Variants in FAM193A observed in about 807,000 individuals in gnomAD.
The protein encoded by FAM193A is family with sequence similarity 193 member A.
Under a neutral mutation model 126.5 loss-of-function variants are expected in FAM193A, and 22 were observed. The observed-to-expected ratio is 0.17, with a 90% confidence interval of 0.12 to 0.25. The LOEUF (loss-of-function observed/expected upper bound fraction) is 0.25. FAM193A is among the 10% of genes least tolerant of loss of function. The pLI, the probability that FAM193A is intolerant of heterozygous loss-of-function variation, is 1.00. For synonymous variants in FAM193A, 761 were observed against 646.8 expected (o/e 1.18, Z -2.68); for missense variants, 1,675 against 1,672.8 (o/e 1.00, Z -0.02).
At chr4:2,651,446 A>G (rs933016159) in intron 7 of FAM193A, among the ~76,000 whole-genome samples, 1 of 152,246 alleles carries the variant, frequency 6.6e-6, no homozygotes, top group Non-Finnish European at 1.5e-5. Context: ...ACTTATAATC[A>G]TGGCGGAAGG....
chr4:2,689,477 A>T, intron 13 of FAM193A, 29 bp from the exon 14 acceptor site: 1 of 1,502,426 alleles, frequency 6.7e-7, no homozygotes, highest in Non-Finnish European at 9.0e-7. Context: ...ATTAATTTTG[A>T]TATGTGATTA....
chr4:2,699,648 A>G, intron 18 of FAM193A, 32 bp from the exon 19 acceptor site: 2 of 1,564,560 alleles, frequency 1.3e-6, no homozygotes, highest in Admixed American at 2.1e-5. Flanking sequence ...CACTCACTGT[A>G]GTCTTAAATT....
intron 2 of FAM193A, among the ~76,000 whole-genome samples, chr4:2,602,282 T>C (rs745675558): frequency 2.0e-5 from 3 of 152,050 alleles, no homozygotes; most frequent in Non-Finnish European, 4.4e-5. Context: ...TCTCTCTCTT[T>C]ATCCTCTTTG....
intron 1 of FAM193A, among the ~76,000 whole-genome samples, chr4:2,574,317 A>T (rs1222169898): frequency 6.6e-6 from 1 of 152,118 alleles, no homozygotes; most frequent in Admixed American, 6.5e-5. Context: ...GGCCTGTCTC[A>T]CACCAAGGCT....
chr4:2,707,896 C>T (rs933573185), intron 19 of FAM193A, among the ~76,000 whole-genome samples: 1 of 151,692 alleles, frequency 6.6e-6, no homozygotes, highest in Non-Finnish European at 1.5e-5. Flanking sequence ...TTACAGGTGC[C>T]GCACCAGCAC....
At chr4:2,622,131 C>T (rs1742581861) in intron 2 of FAM193A, among the ~76,000 whole-genome samples, 1 of 151,940 alleles carries the variant, frequency 6.6e-6, no homozygotes, top group South Asian at 2.1e-4. Context: ...GTGGCGCATG[C>T]CTTTGGTCCC....
Position 2,695,108 on chromosome 4 carries a change from C to T in FAM193A, c.3255C>T (p.Cys1085=), listed in dbSNP as rs1357434721. 6 of 1,600,990 alleles carry T rather than the reference C, an allele frequency of 3.7e-6. No homozygotes were observed. The highest frequency in any genetic ancestry group is 1.7e-5 in the Admixed American group (1 of 57,984). Residue 1085 remains cysteine, a synonymous_variant, in exon 17 of 21, where the codon TGC becomes TGT. Coordinates refer to ENST00000637812, the MANE Select transcript of FAM193A (RefSeq NM_001366318.2). ...GCAAGTACTGCGACTGCTGCTACTG[C>T]GAATTCTTTGGGCACGGCGGGGTGA... is the stretch of plus-strand genomic sequence containing the variant. ...KEGKYCDCCY[C]EFFGHGGPPA...
intron 12 of FAM193A, among the ~76,000 whole-genome samples, chr4:2,671,686 C>A (rs1010328238): frequency 4.6e-5 from 7 of 152,246 alleles, no homozygotes; most frequent in African/African-American, 1.7e-4. Flanking sequence ...CCACTGACCT[C>A]TTCACTCCAC....
At chr4:2,642,056 C>T (rs916906908) in intron 6 of FAM193A, among the ~76,000 whole-genome samples, 7 of 147,052 alleles carry the variant, frequency 4.8e-5, no homozygotes, top group Admixed American at 1.4e-4. Context: ...TTTGGGAGGT[C>T]GAGGCGGGCA....
chr4:2,717,063 C>G lies in FAM193A; in HGVS notation c.4454+959C>G, dbSNP rs548926306. Among the ~76,000 whole-genome samples the G allele has an allele frequency of 3.2e-4, 48 of 151,554 alleles. No homozygotes were observed. In the Middle Eastern group the frequency reaches 0.024, roughly 77 times the overall value. ...GTTGTGATCTGGGCTCACTGCAATC[C>G]CCACCTCCTACGTTCAAGCGATTCT... is the stretch of plus-strand genomic sequence containing the variant. On this transcript the variant is annotated intron_variant, in intron 20 of 20. Coordinates refer to ENST00000637812, the MANE Select transcript of FAM193A (RefSeq NM_001366318.2).
At chr4:2,619,011 C>T (rs61790227) in intron 2 of FAM193A, among the ~76,000 whole-genome samples, 2,653 of 152,258 alleles carry the variant, frequency 0.017, 42 homozygotes, top group Non-Finnish European at 0.024. Flanking sequence ...GGATTATAGG[C>T]GTGAGCCATC....
chr4:2,660,190 C>G, intron 10 of FAM193A, 136 bp downstream of exon 10: 3 of 893,738 alleles, frequency 3.4e-6, no homozygotes, highest in Non-Finnish European at 1.7e-6. Context: ...GTTTTTAATG[C>G]AGCTTTTAAA....
intron 13 of FAM193A, among the ~76,000 whole-genome samples, chr4:2,679,250 G>C (rs1714804489): frequency 6.6e-6 from 1 of 152,028 alleles, no homozygotes; most frequent in Non-Finnish European, 1.5e-5. Context: ...TTGCATTCTG[G>C]GAATGAGTCC....
intron 7 of FAM193A, among the ~76,000 whole-genome samples, chr4:2,649,704 T>C (rs1438111007): frequency 6.6e-6 from 1 of 152,092 alleles, no homozygotes; most frequent in Non-Finnish European, 1.5e-5. Context: ...ATAGGGACAG[T>C]AAATAGTCCC....
At chr4:2,626,616 C>G (rs976448957) in intron 4 of FAM193A, 39 bp downstream of exon 4, 2 of 670,354 alleles carry the variant, frequency 3.0e-6, no homozygotes, top group African/African-American at 3.5e-5. Flanking sequence ...CCATGCAAAC[C>G]CCTGCCCTCC....
At chr4:2,646,158 CCTTTTTTTTT>C (rs1351733340) in intron 6 of FAM193A, among the ~76,000 whole-genome samples, 1 of 126,190 alleles carries the variant, frequency 7.9e-6, no homozygotes, top group African/African-American at 3.0e-5. Context: ...TTGAGCATCT[CCTTTTTTTTT>C]TTTTTTTTTT....
chr4:2,700,679 G>A (rs1717621216), intron 19 of FAM193A, 135 bp downstream of exon 19: 3 of 1,085,062 alleles, frequency 2.8e-6, no homozygotes, highest in African/African-American at 3.2e-5. Flanking sequence ...AGCGTAGAGG[G>A]GCCAGGCATG....
chr4:2,547,761 G>C (rs1737657599), intron 1 of FAM193A, among the ~76,000 whole-genome samples: 1 of 151,678 alleles, frequency 6.6e-6, no homozygotes, highest in African/African-American at 2.4e-5. Flanking sequence ...CAGTAGCTAG[G>C]ATTACAGATG....
chr4:2,550,156 C>G (rs1737822945), intron 1 of FAM193A, among the ~76,000 whole-genome samples: 1 of 151,580 alleles, frequency 6.6e-6, no homozygotes, highest in Non-Finnish European at 1.5e-5. Context: ...TGTGCCTCAG[C>G]CTCACAGGTT....
Sources: gnomAD v4.1 joint callset for allele counts (sites outside exome capture counted in the v4.1 genomes callset) on GRCh38, gnomAD v4.1.1 for gene constraint, MANE v1.5 for transcripts, NCBI Gene and HGNC (gene_info 2026-07-23, HGNC 2026-07-21) for gene names.